The following H3-3A variants were observed in gnomAD, a reference collection of about 807,000 sequenced individuals.
H3-3A encodes H3.3 histone A.
For missense variants in H3-3A, 7 were observed against 184.0 expected (o/e 0.04, Z 5.57); for synonymous variants, 49 against 61.4 (o/e 0.80, Z 0.95).
intron 3 of H3-3A, chr1:226,067,083 C>T (rs558538054): frequency 7.2e-5 from 11 of 152,276 alleles, no homozygotes; most frequent in African/African-American, 2.2e-4. Context: ...TACTAAGATT[C>T]GTAAGCATTG....
At chr1:226,070,828 A>G (rs995015991) in intron 3 of H3-3A, among the ~76,000 whole-genome samples, 1 of 152,116 alleles carries the variant, frequency 6.6e-6, no homozygotes, top group African/African-American at 2.4e-5. Flanking sequence ...AATCAAAAGT[A>G]CTCTTATGAT....
intron 3 of H3-3A, among the ~76,000 whole-genome samples, chr1:226,069,375 A>G (rs74537211): frequency 3.3e-5 from 5 of 152,212 alleles, no homozygotes; most frequent in Non-Finnish European, 5.9e-5. Context: ...TAGAATAAAA[A>G]TGCAACTATA....
chr1:226,069,831 C>CA lies in H3-3A; in HGVS notation c.283-1514dup, dbSNP rs142395336. Among the ~76,000 whole-genome samples the CA allele has an allele frequency of 6.7e-3, 1,025 of 151,962 alleles. 12 individuals carry two copies. The highest frequency in any genetic ancestry group is 0.023 in the African/African-American group (973 of 41,438). On this transcript the variant is annotated intron_variant, in intron 3 of 3. Coordinates refer to ENST00000366815, the MANE Select transcript of H3-3A (RefSeq NM_002107.7). The stretch of plus-strand genomic sequence containing the variant: ...GGGCTACAGAGCAAGACTCAAACCT[C>CA]AAAAAACAAAAACAAAAAGAGTAAG...
At chr1:226,064,597 T>A (rs1231089619) in intron 2 of H3-3A, 118 bp downstream of exon 2, 1 of 683,548 alleles carries the variant, frequency 1.5e-6, no homozygotes, top group East Asian at 2.7e-5. Flanking sequence ...TTTTTTCATT[T>A]GAACACTTAA....
At chr1:226,062,854 C>A in intron 1 of H3-3A, 43 bp downstream of exon 1, 1 of 158,370 alleles carries the variant, frequency 6.3e-6, no homozygotes. Flanking sequence ...CCGAGCCCCG[C>A]TTGCCGTCAG....
chr1:226,067,467 C>T (rs1657966352), intron 3 of H3-3A, among the ~76,000 whole-genome samples: 2 of 152,000 alleles, frequency 1.3e-5, no homozygotes, highest in African/African-American at 4.8e-5. Context: ...GGCCGGGCGC[C>T]GTGACTCACA....
At chr1:226,065,119 T>C (rs144702377) in intron 2 of H3-3A, among the ~76,000 whole-genome samples, 1 of 152,170 alleles carries the variant, frequency 6.6e-6, no homozygotes, top group Non-Finnish European at 1.5e-5. Context: ...TAAAAAAAAC[T>C]TTTCCACGTG....
intron 3 of H3-3A, chr1:226,066,710 GC>G (rs1471203843): frequency 6.6e-6 from 1 of 152,380 alleles, no homozygotes; most frequent in African/African-American, 2.4e-5. Flanking sequence ...CGTTAAAAAT[GC>G]TGATTGTTAG....
At chr1:226,069,528 T>C (rs1658034657) in intron 3 of H3-3A, among the ~76,000 whole-genome samples, 1 of 152,158 alleles carries the variant, frequency 6.6e-6, no homozygotes, top group Non-Finnish European at 1.5e-5. Context: ...TGGTAATTTC[T>C]CCATTTCAAA....
rs1032345596 is a variant in H3-3A, at chr1:226,064,456, G to A, written c.105G>A (p.Gly35=). 1 of 1,612,476 alleles carries A rather than the reference G, an allele frequency of 6.2e-7. No individual in the cohort carries two copies. Among genetic ancestry groups the A allele is most frequent in the African/African-American group, 1.3e-5 (1 of 74,872 alleles). ...GCAAGAGTGCGCCCTCTACTGGAGGGGTGAAGAAACCTCATCGTTACAGGT... is the reference window on the plus strand; with the variant it reads ...GCAAGAGTGCGCCCTCTACTGGAGGAGTGAAGAAACCTCATCGTTACAGGT... The part of the protein sequence containing the change: ...AARKSAPSTG[G]VKKPHRYRPG... Residue 35 remains glycine (G), a synonymous_variant, in exon 2 of 4, where the codon GGG becomes GGA. Transcript: ENST00000366815.
intron 2 of H3-3A, among the ~76,000 whole-genome samples, chr1:226,064,938 T>C (rs1436658953): frequency 6.6e-6 from 1 of 152,202 alleles, no homozygotes; most frequent in Non-Finnish European, 1.5e-5. Flanking sequence ...ATTAGCTCTT[T>C]TGATTGTGAA....
intron 3 of H3-3A, among the ~76,000 whole-genome samples, chr1:226,067,518 C>CA (rs1456778577): frequency 6.6e-6 from 1 of 152,106 alleles, no homozygotes. Context: ...GTGGGTAGAT[C>CA]ACCTGAGGTC....
intron 3 of H3-3A, chr1:226,066,591 T>A (rs576441714): frequency 9.2e-5 from 14 of 152,362 alleles, no homozygotes; most frequent in African/African-American, 3.1e-4. Flanking sequence ...GTCATTAACA[T>A]CAGTCACTTA....
chr1:226,068,446 T>C (rs1298220190), intron 3 of H3-3A, among the ~76,000 whole-genome samples: 1 of 152,218 alleles, frequency 6.6e-6, no homozygotes, highest in African/African-American at 2.4e-5. Context: ...AAAAGCATTC[T>C]AGCTTTCTGT....
rs555396712 is a variant in H3-3A at position 226,065,816 on chromosome 1, T to C, written c.282+7T>C. On this transcript the variant is annotated splice_region_variant and intron_variant, in intron 3 of 3. Coordinates refer to ENST00000366815, the MANE Select transcript of H3-3A (RefSeq NM_002107.7). ...AGCTATCGGTGCTTTGCAGGTAAAA[T>C]GGTGGGTGGGAAGACTCAGAGTTTG... 4 of 1,588,044 alleles carry C rather than the reference T, an allele frequency of 2.5e-6. No individual in the cohort carries two copies. The highest frequency in any genetic ancestry group is 3.4e-6 in the Non-Finnish European group (4 of 1,164,494).
chr1:226,067,682 C>T (rs1657973237), intron 3 of H3-3A, among the ~76,000 whole-genome samples: 1 of 151,296 alleles, frequency 6.6e-6, no homozygotes, highest in African/African-American at 2.4e-5. Context: ...GCAGAGGTTG[C>T]AGTGAGCCGA....
At position 226,071,656 on chromosome 1, in the gene H3-3A, C is replaced by G. The variant is rs1009150367; in HGVS notation, c.*177C>G. ...CAGAAATCAGGTATTGGCAGTTTTT[C>G]CATTTTCATTTGTGTGTGAATTTTT... On this transcript the variant is annotated 3_prime_UTR_variant, in exon 4 of 4. Coordinates refer to ENST00000366815, the MANE Select transcript of H3-3A (RefSeq NM_002107.7). The G allele has an allele frequency of 1.6e-5, 6 of 372,100 alleles. No individual in the cohort carries two copies. Among genetic ancestry groups the G allele is most frequent in the Non-Finnish European group, 2.8e-5 (6 of 215,200 alleles). 23.0% of individuals were successfully genotyped at this position (372,100 alleles called of 1,614,324 possible).
At chr1:226,062,440 G>A (rs1475554225), upstream of H3-3A, among the ~76,000 whole-genome samples, 1 of 151,136 alleles carries the variant, frequency 6.6e-6, no homozygotes, top group Non-Finnish European at 1.5e-5. Flanking sequence ...CTGGCCGGGT[G>A]CGGGCGGCAG....
At chr1:226,062,279 C>G (rs1002339263), upstream of H3-3A, among the ~76,000 whole-genome samples, 9 of 149,754 alleles carry the variant, frequency 6.0e-5, no homozygotes, top group Non-Finnish European at 1.3e-4. Context: ...CGCCGCGGCC[C>G]GAGACGCCCG....
Sources: gnomAD v4.1 joint callset for allele counts (sites outside exome capture counted in the v4.1 genomes callset) on GRCh38, gnomAD v4.1.1 for gene constraint, MANE v1.5 for transcripts, NCBI Gene and HGNC (gene_info 2026-07-23, HGNC 2026-07-21) for gene names.